Variants in NUP133 observed in about 807,000 individuals in gnomAD.
The protein encoded by NUP133 is nucleoporin 133, also known as nuclear pore complex protein Nup133.
In NUP133, 66 loss-of-function variants were observed where a neutral mutation model predicts 146.2. The observed-to-expected ratio is 0.45, with a 90% CI of 0.37 to 0.55. The LOEUF (loss-of-function observed/expected upper bound fraction) is 0.55. NUP133 is among the 20% of genes least tolerant of loss of function. The pLI is 0.00. For missense variants in NUP133, 1,277 were observed against 1,374.8 expected (o/e 0.93, Z 1.12); for synonymous variants, 521 against 498.8 (o/e 1.04, Z -0.59).
At chr1:229,449,770 A>G (rs1474794575) in intron 23 of NUP133, among the ~76,000 whole-genome samples, 4 of 150,412 alleles carry the variant, frequency 2.7e-5, no homozygotes, top group African/African-American at 9.8e-5. Flanking sequence ...AGGTAATAGA[A>G]CTACTTATCC....
chr1:229,453,383 T>C (rs1185824984), intron 21 of NUP133, among the ~76,000 whole-genome samples: 2 of 152,236 alleles, frequency 1.3e-5, no homozygotes, highest in African/African-American at 2.4e-5. Flanking sequence ...ACGACTTTCC[T>C]AGGCTTCTTG....
chr1:229,471,354 C>G (rs186273761), intron 14 of NUP133, among the ~76,000 whole-genome samples: 1 of 152,098 alleles, frequency 6.6e-6, no homozygotes, highest in African/African-American at 2.4e-5. Context: ...TGGCCACAAG[C>G]GAGCCTACTG....
At chr1:229,489,915 AC>A in intron 9 of NUP133, 39 bp downstream of exon 9, 3 of 1,492,094 alleles carry the variant, frequency 2.0e-6, no homozygotes, top group Non-Finnish European at 2.7e-6. Context: ...AAAATACTCA[AC>A]ATATTATTGC....
At chr1:229,496,890 T>C (rs1558107584) in intron 6 of NUP133, among the ~76,000 whole-genome samples, 1 of 152,102 alleles carries the variant, frequency 6.6e-6, no homozygotes, top group Non-Finnish European at 1.5e-5. Context: ...GAATGTGAAT[T>C]GGTAAGTGTA....
chr1:229,464,857 C>T lies in NUP133; in HGVS notation c.2318G>A (p.Gly773Asp). 1 of 1,614,014 alleles carries T rather than the reference C, an allele frequency of 6.2e-7. No individual in the cohort carries two copies. The highest frequency in any genetic ancestry group is 1.7e-5 in the Admixed American group (1 of 60,026). Residue 773 changes from glycine (G) to aspartate (D), a missense_variant, in exon 18 of 26, where the codon GGC becomes GAC. Physicochemically the swap from Gly to Asp is moderately conservative, Grantham distance 94. This residue lies in a region of NUP133 where 952 missense variants were observed against 1,047.0 expected (regional missense o/e 0.91). Coordinates refer to ENST00000261396, the MANE Select transcript of NUP133 (RefSeq NM_018230.3). ...CTGGCGTATTATTACCGTTCGGATGCCACCAGGACCACTTGTTGCTGTGAA... is the reference window on the plus strand; with the variant it reads ...CTGGCGTATTATTACCGTTCGGATGTCACCAGGACCACTTGTTGCTGTGAA... ...VPWTATSGPG[G>D]IRTVIIRQHE...
rs770997613 is a variant in NUP133 at position 229,498,268 on chromosome 1, T to C, written c.687A>G (p.Leu229=). The C allele has an allele frequency of 6.2e-7, 1 of 1,603,138 alleles. No homozygotes were observed. The highest frequency in any genetic ancestry group is 8.5e-7 in the Non-Finnish European group (1 of 1,176,956). ...CTGAGCTCTCAGGTATCAACCGAAT[T>C]AGTTGGCTTCCTGATGAAGACAAAA... ...SFILSSSGSQ[L]IRLIPESSGK... is the part of the protein sequence containing the mutation. Residue 229 remains leucine, a synonymous_variant, in exon 6 of 26, where the codon CTA becomes CTG. Transcript: ENST00000261396.
At chr1:229,506,813 T>C (rs1413658695) in intron 1 of NUP133, among the ~76,000 whole-genome samples, 1 of 112,676 alleles carries the variant, frequency 8.9e-6, no homozygotes, top group African/African-American at 3.1e-5. Flanking sequence ...AGTGAGACCC[T>C]GTCTCTTTAA....
intron 19 of NUP133, among the ~76,000 whole-genome samples, chr1:229,461,940 G>A (rs1660702175): frequency 6.6e-6 from 1 of 150,948 alleles, no homozygotes; most frequent in African/African-American, 2.4e-5. Context: ...CTGGAGTGCA[G>A]TGGCACGATC....
chr1:229,448,844 C>T (rs949278675), intron 24 of NUP133: 3 of 422,922 alleles, frequency 7.1e-6, no homozygotes, highest in East Asian at 9.9e-5. Context: ...TATAGCTGGT[C>T]GGTGAGGAAC....
chr1:229,486,104 C>A (rs1395530683), intron 11 of NUP133, among the ~76,000 whole-genome samples: 1 of 152,038 alleles, frequency 6.6e-6, no homozygotes, highest in African/African-American at 2.4e-5. Context: ...TGAGGTGAGG[C>A]TGCAGTGAGC....
intron 11 of NUP133, among the ~76,000 whole-genome samples, chr1:229,484,988 A>G (rs1661313055): frequency 6.6e-6 from 1 of 152,190 alleles, no homozygotes; most frequent in South Asian, 2.1e-4. Context: ...GGTAGTCTAT[A>G]TATTTCATAC....
intron 13 of NUP133, among the ~76,000 whole-genome samples, chr1:229,476,961 G>T (rs183525981): frequency 7.3e-5 from 11 of 150,768 alleles, no homozygotes; most frequent in Admixed American, 5.3e-4. Context: ...AACTGGGATT[G>T]GGGGGCAGGT....
intron 5 of NUP133, 32 bp downstream of exon 5, chr1:229,499,652 C>T: frequency 6.4e-7 from 1 of 1,567,666 alleles, no homozygotes. Flanking sequence ...TCACAGCTTT[C>T]CAATAAATAT....
At chr1:229,498,769 A>G (rs1379645420) in intron 5 of NUP133, among the ~76,000 whole-genome samples, 1 of 152,112 alleles carries the variant, frequency 6.6e-6, no homozygotes, top group African/African-American at 2.4e-5. Context: ...AAAAGAAAAA[A>G]AAAAAAAACA....
At chr1:229,462,283 G>C (rs1211980587) in intron 19 of NUP133, among the ~76,000 whole-genome samples, 2 of 152,132 alleles carry the variant, frequency 1.3e-5, no homozygotes, top group African/African-American at 4.8e-5. Context: ...ATGAACAAAT[G>C]TTTGCAATGT....
At chr1:229,445,347 A>G (rs1435014252) in intron 24 of NUP133, among the ~76,000 whole-genome samples, 1 of 152,176 alleles carries the variant, frequency 6.6e-6, no homozygotes, top group African/African-American at 2.4e-5. Flanking sequence ...AGAAAATTCT[A>G]TTAGTAAGTA....
chr1:229,479,357 G>A (rs1661152864), intron 12 of NUP133, among the ~76,000 whole-genome samples: 2 of 152,172 alleles, frequency 1.3e-5, no homozygotes, highest in Non-Finnish European at 2.9e-5. Context: ...GTTCAAAGCC[G>A]TGTTGTTCAA....
chr1:229,465,820 G>A (rs767596245), intron 16 of NUP133, among the ~76,000 whole-genome samples: 62 of 150,946 alleles, frequency 4.1e-4, no homozygotes, highest in Non-Finnish European at 7.8e-4. Flanking sequence ...AGCCCAGGAG[G>A]TGGAGGCTGC....
chr1:229,476,438 A>G (rs980498910), intron 13 of NUP133, among the ~76,000 whole-genome samples: 10 of 152,180 alleles, frequency 6.6e-5, no homozygotes, highest in African/African-American at 2.4e-4. Flanking sequence ...GTTCCCTGGT[A>G]TCTGGGGACC....
Sources: allele counts gnomAD v4.1 joint callset (sites outside exome capture counted in the v4.1 genomes callset), GRCh38; gene constraint gnomAD v4.1.1; regional missense constraint gnomAD v4.1.1; transcripts MANE v1.5; gene names NCBI Gene and HGNC (gene_info 2026-07-23, HGNC 2026-07-21).